CD38: variants seen among roughly 807,000 people sequenced by gnomAD.
The protein encoded by CD38 is CD38 molecule.
In CD38, 31 loss-of-function variants were observed where a neutral mutation model predicts 36.3. The observed-to-expected ratio is 0.85, with a 90% CI of 0.64 to 1.15. The LOEUF (loss-of-function observed/expected upper bound fraction) is 1.15. CD38 is among the 50% of genes most tolerant of loss of function. The pLI, the probability that CD38 is intolerant of heterozygous loss-of-function variation, is 0.00. For synonymous variants in CD38, 131 were observed against 135.2 expected (o/e 0.97, Z 0.22); for missense variants, 380 against 371.9 (o/e 1.02, Z -0.18).
intron 1 of CD38, among the ~76,000 whole-genome samples, chr4:15,785,403 C>A (rs530922369): frequency 6.6e-6 from 1 of 152,074 alleles, no homozygotes; most frequent in African/African-American, 2.4e-5. Context: ...ACCTTTTGGC[C>A]TTGTGTTTTG....
At position 15,816,533 on chromosome 4, in the gene CD38, T is replaced by C; in HGVS notation, c.256T>C (p.Trp86Arg). 1 of 1,613,378 alleles carries C rather than the reference T, an allele frequency of 6.2e-7. No individual in the cohort carries two copies. The highest frequency in any genetic ancestry group is 8.5e-7 in the Non-Finnish European group (1 of 1,179,340). Residue 86 changes from tryptophan to arginine, a missense_variant, in exon 2 of 8, where the codon TGG becomes CGG. Coordinates refer to ENST00000226279, the MANE Select transcript of CD38 (RefSeq NM_001775.4). ...EMRHVDCQSV[W>R]DAFKGAFISK... is the part of the protein sequence containing the mutation. ...CAGACATGTAGACTGCCAAAGTGTA[T>C]GGGATGCTTTCAAGGGTGCATTTAT...
At chr4:15,829,204 T>G (rs572078972) in intron 3 of CD38, among the ~76,000 whole-genome samples, 26 of 152,284 alleles carry the variant, frequency 1.7e-4, no homozygotes, top group African/African-American at 5.8e-4. Flanking sequence ...CTTATGTATT[T>G]TGTTTTTGTT....
intron 1 of CD38, among the ~76,000 whole-genome samples, chr4:15,793,247 A>G (rs763206468): frequency 9.2e-5 from 14 of 151,596 alleles, no homozygotes; most frequent in Non-Finnish European, 1.9e-4. Context: ...TGTGTTTTTC[A>G]TAACTTTCTG....
intron 1 of CD38, among the ~76,000 whole-genome samples, chr4:15,802,500 T>G (rs1304989587): frequency 1.8e-5 from 1 of 54,330 alleles, no homozygotes; most frequent in Admixed American, 1.3e-4. Flanking sequence ...TGTTTTATTT[T>G]ATTTTATTTT....
At position 15,778,712 on chromosome 4, in the gene CD38, A is replaced by G; in HGVS notation, c.233+65A>G. 2 of 1,192,134 alleles carry G rather than the reference A, an allele frequency of 1.7e-6. No homozygotes were observed. The highest frequency in any genetic ancestry group is 4.1e-5 in the Admixed American group (2 of 48,730). The allele number at this position is 1,192,134 out of a possible 1,614,324, so 73.8% of individuals were successfully genotyped here. ...GACAGCAGGGCCCCGCGCGCAGGGA[A>G]GCCGCCCGGATCGCCCGGAACCGGG... is the stretch of plus-strand genomic sequence containing the variant. On this transcript the variant is annotated intron_variant, in intron 1 of 7. Transcript: ENST00000226279. This position sits in a 1 kb window ranked among gnomAD's most constrained non-coding sequence, Gnocchi z 4.9.
At chr4:15,826,084 A>C (rs1043943257) in intron 3 of CD38, 5 of 151,858 alleles carry the variant, frequency 3.3e-5, no homozygotes, top group African/African-American at 1.2e-4. Context: ...GGTTTGCATT[A>C]CTTTCAATTA....
intron 1 of CD38, among the ~76,000 whole-genome samples, chr4:15,789,115 C>A (rs1016740923): frequency 6.6e-6 from 1 of 152,200 alleles, no homozygotes; most frequent in Non-Finnish European, 1.5e-5. Context: ...TCTGAAAAGA[C>A]ATGCTGCCCA....
At chr4:15,780,522 A>ACACG (rs1553871757) in intron 1 of CD38, among the ~76,000 whole-genome samples, 2 of 43,052 alleles carry the variant, frequency 4.6e-5, no homozygotes, top group Non-Finnish European at 1.1e-4. Flanking sequence ...TCTCTCTCAC[A>ACACG]CACACACACA....
intron 1 of CD38, among the ~76,000 whole-genome samples, chr4:15,788,036 C>T (rs1244281289): frequency 2.6e-5 from 4 of 152,202 alleles, no homozygotes; most frequent in Admixed American, 6.5e-5. Flanking sequence ...GCTTATTCTC[C>T]CCCGAAGCTT....
chr4:15,804,146 C>A (rs1392456882), intron 1 of CD38, among the ~76,000 whole-genome samples: 1 of 152,020 alleles, frequency 6.6e-6, no homozygotes, highest in Non-Finnish European at 1.5e-5. Context: ...TTTGGTAGAA[C>A]AATTTATTTT....
chr4:15,833,470 T>C (rs1166352851), intron 3 of CD38, among the ~76,000 whole-genome samples: 1 of 152,256 alleles, frequency 6.6e-6, no homozygotes, highest in Non-Finnish European at 1.5e-5. Flanking sequence ...ATAATTCCTT[T>C]TGACTCCACA....
intron 2 of CD38, among the ~76,000 whole-genome samples, chr4:15,822,504 C>T (rs770485349): frequency 2.0e-5 from 3 of 152,170 alleles, no homozygotes; most frequent in Admixed American, 6.5e-5. Context: ...TCTCAGGATA[C>T]AAAATCAATG....
intron 1 of CD38, among the ~76,000 whole-genome samples, chr4:15,814,951 C>A (rs1285182154): frequency 1.3e-5 from 2 of 151,952 alleles, no homozygotes; most frequent in African/African-American, 4.8e-5. Context: ...GGATTACAGG[C>A]ATGTATCACC....
chr4:15,813,011 C>T (rs771023284), intron 1 of CD38, among the ~76,000 whole-genome samples: 68 of 152,096 alleles, frequency 4.5e-4, no homozygotes, highest in Non-Finnish European at 8.1e-4. Flanking sequence ...CTAACAGTTT[C>T]CTTTTTGTGG....
chr4:15,817,703 G>T (rs1171479829), intron 2 of CD38, among the ~76,000 whole-genome samples: 3 of 152,142 alleles, frequency 2.0e-5, no homozygotes, highest in African/African-American at 4.8e-5. Context: ...TTCAATAAGG[G>T]CTGGGATTTT....
chr4:15,791,261 G>A lies in CD38; in HGVS notation c.233+12614G>A, dbSNP rs1359552495. 5.5e-5 allele frequency among the ~76,000 whole-genome samples: 3 copies of A among 54,256 alleles called. 1 individual carries two copies. The highest frequency in any genetic ancestry group is 1.3e-3 in the South Asian group (2 of 1,566). The allele number at this position is 54,256 out of a possible 152,430, so 35.6% of individuals were successfully genotyped here. A position where few individuals can be genotyped will look rare whatever the true frequency, so the allele number is the denominator to read the frequency against. ...GGCCGCCCGTACTGGGAAGTGAGGA[G>A]CCCCTCTGCCCGGCCAGCCACCCCG... On this transcript the variant is annotated intron_variant, in intron 1 of 7. Coordinates refer to ENST00000226279, the MANE Select transcript of CD38 (RefSeq NM_001775.4).
intron 2 of CD38, among the ~76,000 whole-genome samples, chr4:15,822,023 C>CA (rs1261092122): frequency 2.0e-5 from 3 of 152,092 alleles, no homozygotes; most frequent in Non-Finnish European, 4.4e-5. Flanking sequence ...CCTCAGGATG[C>CA]AAGGCAGGTT....
chr4:15,800,265 T>C (rs1382863005), intron 1 of CD38, among the ~76,000 whole-genome samples: 2 of 152,314 alleles, frequency 1.3e-5, no homozygotes, highest in Non-Finnish European at 2.9e-5. Context: ...GTGTTTTTTT[T>C]CCTCTTTCTT....
intron 1 of CD38, among the ~76,000 whole-genome samples, chr4:15,787,291 G>A (rs570014494): frequency 2.0e-5 from 3 of 152,376 alleles, no homozygotes; most frequent in East Asian, 1.9e-4. Flanking sequence ...CCCTGAGAGA[G>A]ATTAAGTAAT....
Sources: allele counts gnomAD v4.1 joint callset (sites outside exome capture counted in the v4.1 genomes callset), GRCh38; gene constraint gnomAD v4.1.1; non-coding constraint Gnocchi (gnomAD v3.1); transcripts MANE v1.5; gene names NCBI Gene and HGNC (gene_info 2026-07-23, HGNC 2026-07-21).